RHBDL2: variants seen among roughly 807,000 people sequenced by gnomAD.
The protein encoded by RHBDL2 is rhomboid like 2.
RHBDL2 carries 26 observed loss-of-function variants against 31.7 expected under a neutral mutation model. The ratio of observed to expected loss-of-function variants is 0.82; its 90% confidence interval spans 0.60 to 1.14. RHBDL2 has a LOEUF of 1.14. Among genes scored for constraint, RHBDL2 ranks in the 50% most tolerant of loss-of-function variants. The pLI, the probability that RHBDL2 is intolerant of heterozygous loss-of-function variation, is 0.00. For synonymous variants in RHBDL2, 123 were observed against 127.2 expected (o/e 0.97, Z 0.22); for missense variants, 336 against 364.4 (o/e 0.92, Z 0.63).
At chr1:38,908,563 T>C (rs768589135) in intron 4 of RHBDL2, among the ~76,000 whole-genome samples, 2 of 148,880 alleles carry the variant, frequency 1.3e-5, no homozygotes, top group Non-Finnish European at 3.0e-5. Context: ...ACTACCCACT[T>C]AGGAGTGAAA....
chr1:38,909,054 T>C (rs1643106357), intron 4 of RHBDL2, among the ~76,000 whole-genome samples: 1 of 152,176 alleles, frequency 6.6e-6, no homozygotes, highest in Non-Finnish European at 1.5e-5. Flanking sequence ...GGCTGGTCAG[T>C]GGCCTGCTGG....
At chr1:38,916,803 G>A (rs543351810) in intron 2 of RHBDL2, among the ~76,000 whole-genome samples, 8 of 150,572 alleles carry the variant, frequency 5.3e-5, no homozygotes, top group Admixed American at 3.3e-4. Context: ...CCTGGACAGC[G>A]GAGGTTGCAG....
rs1298101878 is a variant in RHBDL2, at chr1:38,887,985, A to C, written c.710T>G (p.Phe237Cys). The C allele has an allele frequency of 1.2e-6, 2 of 1,612,706 alleles. No individual in the cohort carries two copies. The highest frequency in any genetic ancestry group is 1.7e-4 in the Middle Eastern group (1 of 6,054). ...CACCGGAGACCCATCTTCAGGAACA[A>C]AGAACCTTCTATAGAGAGCAAATCC... Reference protein sequence around the residue: ...DMGFALYRRFFVPEDGSPVSF... With the variant: ...DMGFALYRRFCVPEDGSPVSF... Residue 237 changes from phenylalanine (F) to cysteine (C), a missense_variant, in exon 7 of 8, where the codon TTT becomes TGT. By Grantham distance (205) the Phe-to-Cys change is radical. Coordinates refer to ENST00000372990, the MANE Select transcript of RHBDL2 (RefSeq NM_017821.5).
intron 4 of RHBDL2, among the ~76,000 whole-genome samples, chr1:38,903,577 C>T (rs1171716645): frequency 6.6e-6 from 1 of 152,076 alleles, no homozygotes; most frequent in Non-Finnish European, 1.5e-5. Flanking sequence ...TTTTGAAAGA[C>T]CTAAATACAC....
chr1:38,907,689 A>G (rs576572764), intron 4 of RHBDL2, among the ~76,000 whole-genome samples: 1 of 152,330 alleles, frequency 6.6e-6, no homozygotes, highest in Admixed American at 6.5e-5. Context: ...GCAGTAAGCT[A>G]TGATTGTGCC....
Position 38,916,837 on chromosome 1 carries a change from A to G in RHBDL2, c.247-1127T>C, listed in dbSNP as rs1367394105. ...AGTGAGCTGAGATCACACTACTGGC[A>G]CTCCAGCCTGGGCGACAGAGCGACT... On this transcript the variant is annotated intron_variant, in intron 2 of 7. Coordinates refer to ENST00000372990, the MANE Select transcript of RHBDL2 (RefSeq NM_017821.5). Among the ~76,000 whole-genome samples, 3 of 138,836 alleles carry G rather than the reference A, an allele frequency of 2.2e-5. No individual in the cohort carries two copies. In the Admixed American group the frequency reaches 2.3e-4, roughly 11 times the overall value. 91.1% of individuals were successfully genotyped at this position (138,836 alleles called of 152,430 possible).
chr1:38,902,583 CTAA>C (rs1327501232), intron 4 of RHBDL2, among the ~76,000 whole-genome samples: 1 of 151,864 alleles, frequency 6.6e-6, no homozygotes, highest in Non-Finnish European at 1.5e-5. Flanking sequence ...CCATGCCCAG[CTAA>C]TTTTTTTGTA....
chr1:38,892,946 A>G (rs932374569), intron 6 of RHBDL2, among the ~76,000 whole-genome samples: 1 of 152,232 alleles, frequency 6.6e-6, no homozygotes, highest in African/African-American at 2.4e-5. Flanking sequence ...AGGCTGCTCT[A>G]GTGCCAATGA....
chr1:38,891,996 T>A (rs1642861140), intron 6 of RHBDL2, among the ~76,000 whole-genome samples: 1 of 152,234 alleles, frequency 6.6e-6, no homozygotes, highest in African/African-American at 2.4e-5. Flanking sequence ...TTTTCTTCCA[T>A]GCTCTATGGC....
intron 1 of RHBDL2, among the ~76,000 whole-genome samples, chr1:38,934,379 C>G (rs560642647): frequency 6.7e-6 from 1 of 150,280 alleles, no homozygotes; most frequent in African/African-American, 2.5e-5. Flanking sequence ...TAAAATGGCC[C>G]GGCAGGGTGG....
Position 38,912,908 on chromosome 1 carries a change from ATATG to A in RHBDL2, c.396-1478_396-1475del, listed in dbSNP as rs1317704693. Among the ~76,000 whole-genome samples, 139 of 35,302 alleles carry A rather than the reference ATATG, an allele frequency of 3.9e-3. 1 individual carries two copies. The highest frequency in any genetic ancestry group is 9.7e-3 in the African/African-American group (103 of 10,616). The allele number at this position is 35,302 out of a possible 152,430, so 23.2% of individuals were successfully genotyped here. Reference sequence around the variant, plus strand: ...CATATATATATATATATATATATATATATGTGTGTGTGTGTGTGTGTGTGTGTGT... The same window carrying A: ...CATATATATATATATATATATATATATGTGTGTGTGTGTGTGTGTGTGTGT... On this transcript the variant is annotated intron_variant, in intron 3 of 7. Transcript: ENST00000372990.
chr1:38,924,614 C>G (rs957506041), intron 1 of RHBDL2, among the ~76,000 whole-genome samples: 1 of 151,574 alleles, frequency 6.6e-6, no homozygotes, highest in East Asian at 2.0e-4. Flanking sequence ...CAAGGAAACA[C>G]GGAAGGAACT....
At chr1:38,924,519 A>T (rs1643351145) in intron 1 of RHBDL2, among the ~76,000 whole-genome samples, 1 of 151,964 alleles carries the variant, frequency 6.6e-6, no homozygotes, top group African/African-American at 2.4e-5. Flanking sequence ...GCATGAACCC[A>T]GGAGGCGGAG....
At chr1:38,937,086 T>C (rs976917049) in intron 1 of RHBDL2, among the ~76,000 whole-genome samples, 1 of 152,032 alleles carries the variant, frequency 6.6e-6, no homozygotes, top group African/African-American at 2.4e-5. Context: ...TAGCTGAGAC[T>C]ACAGGCACCC....
At chr1:38,925,898 A>G (rs1643369641) in intron 1 of RHBDL2, 1 of 1,216,672 alleles carries the variant, frequency 8.2e-7, no homozygotes. Flanking sequence ...AGGCAAAGCC[A>G]ATCATTCAAC....
At chr1:38,923,597 C>T (rs761731677) in intron 1 of RHBDL2, among the ~76,000 whole-genome samples, 15 of 152,170 alleles carry the variant, frequency 9.9e-5, no homozygotes, top group African/African-American at 2.9e-4. Context: ...CAGAAACACA[C>T]GTCAGATTAC....
At chr1:38,940,498 C>T (rs1643549532) in intron 1 of RHBDL2, among the ~76,000 whole-genome samples, 1 of 152,196 alleles carries the variant, frequency 6.6e-6, no homozygotes, top group Non-Finnish European at 1.5e-5. Flanking sequence ...GGAACCCAAC[C>T]TTCCCTCTCC....
In RHBDL2 at chr1:38,911,451, T is replaced by C. The variant is rs767602115; in HGVS notation, c.396-17A>G. The C allele has an allele frequency of 2.6e-6, 4 of 1,537,622 alleles. No homozygotes were observed. The highest frequency in any genetic ancestry group is 3.3e-5 in the Admixed American group (2 of 59,852). The stretch of plus-strand genomic sequence containing the variant: ...TGCTGAACTCTGCAAAGACAAACAA[T>C]AGTTGTCAAATATTATGACTAAACC... On this transcript the variant is annotated splice_polypyrimidine_tract_variant and intron_variant, in intron 3 of 7. Coordinates refer to ENST00000372990, the MANE Select transcript of RHBDL2 (RefSeq NM_017821.5).
intron 4 of RHBDL2, among the ~76,000 whole-genome samples, chr1:38,898,691 G>A (rs80328773): frequency 0.021 from 3,134 of 152,258 alleles, 115 homozygotes; most frequent in African/African-American, 0.068. Flanking sequence ...AAGTTGATGA[G>A]ATGAAGTTTA....
Sources: gnomAD v4.1 joint callset for allele counts (sites outside exome capture counted in the v4.1 genomes callset) on GRCh38, gnomAD v4.1.1 for gene constraint, MANE v1.5 for transcripts, NCBI Gene and HGNC (gene_info 2026-07-23, HGNC 2026-07-21) for gene names.